DLGAP3: variants seen among roughly 807,000 people sequenced by gnomAD.
DLGAP3 encodes the protein DLG associated protein 3.
DLGAP3 carries 17 observed loss-of-function variants against 81.2 expected under a neutral mutation model. The ratio of observed to expected loss-of-function variants is 0.21; its 90% CI spans 0.14 to 0.31. DLGAP3 has a LOEUF of 0.31. Ranked by LOEUF, DLGAP3 falls within the 10% of genes least tolerant of loss-of-function variation. The probability of loss-of-function intolerance (pLI) is 1.00; values close to 1 mark genes in which losing one functional copy is unlikely to be tolerated. For synonymous variants in DLGAP3, 577 were observed against 587.4 expected, an observed-to-expected ratio of 0.98 and a Z score of 0.26; for missense variants, 1,124 against 1,388.0, an observed-to-expected ratio of 0.81 and a Z score of 3.02.
In DLGAP3 at chr1:34,866,744, G is replaced by A. The variant is rs574973590; in HGVS notation, c.2721+304C>T. ...CGAACTGAGGACAGTCTGTCCTTCC[G>A]TAAGGTCTACTTTTGCTCTCTCCAG... is the stretch of plus-strand genomic sequence containing the variant. On this transcript the variant is annotated intron_variant, in intron 11 of 11. Coordinates refer to ENST00000373347, the MANE Select transcript of DLGAP3 (RefSeq NM_001080418.3). Among the ~76,000 whole-genome samples, 21 of 152,084 alleles carry A rather than the reference G, an allele frequency of 1.4e-4. No individual in the cohort carries two copies. In the South Asian group the frequency reaches 3.7e-3, roughly 27 times the overall value.
At chr1:34,891,814 A>G (rs1264956690) in intron 5 of DLGAP3, among the ~76,000 whole-genome samples, 1 of 152,192 alleles carries the variant, frequency 6.6e-6, no homozygotes, top group Non-Finnish European at 1.5e-5. Flanking sequence ...AAATAAAAAT[A>G]AGAAGGAAAT....
chr1:34,881,716 A>G (rs1639147489), intron 8 of DLGAP3, among the ~76,000 whole-genome samples: 2 of 152,140 alleles, frequency 1.3e-5, no homozygotes, highest in Non-Finnish European at 1.5e-5. Flanking sequence ...TTATCCCAGG[A>G]ATGAAAGAAT....
rs72894113 is a variant in DLGAP3, at chr1:34,883,914, G to T, written c.2000+1064C>A. ...AGGAACCACTGCTAGTGGGACACTG[G>T]TTTTTTGTGTTTTGGGTTTTTTTTG... is the stretch of plus-strand genomic sequence containing the variant. On this transcript the variant is annotated intron_variant, in intron 8 of 11. Transcript: ENST00000373347. Among the ~76,000 whole-genome samples the T allele has an allele frequency of 4.9e-3, 751 of 152,006 alleles. 23 individuals carry two copies. The highest frequency in any genetic ancestry group is 0.018 in the African/African-American group (736 of 41,328).
chr1:34,894,196 T>TTAAA (rs951258235), intron 5 of DLGAP3, among the ~76,000 whole-genome samples: 6 of 144,436 alleles, frequency 4.2e-5, no homozygotes, highest in African/African-American at 1.5e-4. Flanking sequence ...CAAAAACAAA[T>TTAAA]TAAATAAATA....
chr1:34,886,897 G>A (rs1256414133), intron 5 of DLGAP3, among the ~76,000 whole-genome samples: 1 of 148,240 alleles, frequency 6.7e-6, no homozygotes, highest in Non-Finnish European at 1.5e-5. Context: ...GTAAGTGATG[G>A]AGCAAAGTTA....
Position 34,865,843 on chromosome 1 carries a change from A to C in DLGAP3, c.*240T>G. ...GGACAAAGCGTCGGACCAGGTGGGC[A>C]GGGGATCCAGGTGAGGGGCGCAGGG... On this transcript the variant is annotated 3_prime_UTR_variant, in exon 12 of 12. Coordinates refer to ENST00000373347, the MANE Select transcript of DLGAP3 (RefSeq NM_001080418.3). The C allele has an allele frequency of 4.9e-6, 3 of 607,342 alleles. No individual in the cohort carries two copies. Among genetic ancestry groups the C allele is most frequent in the Non-Finnish European group, 5.9e-6 (2 of 341,382 alleles). 37.6% of individuals were successfully genotyped at this position (607,342 alleles called of 1,614,324 possible).
Position 34,885,381 on chromosome 1 carries a change from AAGAATGTCGATATATCC to A in DLGAP3, c.1914+80_1914+96del, listed in dbSNP as rs1328869805. The A allele has an allele frequency of 5.9e-6, 8 of 1,359,476 alleles. No individual in the cohort carries two copies. In the Admixed American group the frequency reaches 1.2e-4, roughly 20 times the overall value. The allele number at this position is 1,359,476 out of a possible 1,614,324, so 84.2% of individuals were successfully genotyped here. A position where few individuals can be genotyped will look rare whatever the true frequency, so the allele number is the denominator to read the frequency against. On this transcript the variant is annotated intron_variant, in intron 7 of 11. Coordinates refer to ENST00000373347, the MANE Select transcript of DLGAP3 (RefSeq NM_001080418.3). ...CACTTGCAGCTCAGGGCAAGCCAGA[AAGAATGTCGATATATCC>A]AGAAGGCCGCTTCCAGCCCCTCACC...
intron 8 of DLGAP3, among the ~76,000 whole-genome samples, chr1:34,869,871 A>C (rs1239573427): frequency 6.6e-6 from 1 of 152,248 alleles, no homozygotes; most frequent in African/African-American, 2.4e-5. Flanking sequence ...GAGTAAACTA[A>C]GTAAACCCAG....
Position 34,904,679 on chromosome 1 carries a change from CTGGTGGTGGTGGTGATGGTGG to C in DLGAP3, c.684_704del (p.His228_His234del), listed in dbSNP as rs1220388345. On this transcript the variant is annotated inframe_deletion, in exon 3 of 12. Transcript: ENST00000373347. The surrounding 1 kb of genome is among the most constrained non-coding windows in gnomAD (Gnocchi z 8.1). Reference sequence around the variant, plus strand: ...TCTTGCTCCTCTTGCCGTGCCGGGACTGGTGGTGGTGGTGATGGTGGTGGTGATGGTGGTGATGGGAGGTGT... The same window carrying C: ...TCTTGCTCCTCTTGCCGTGCCGGGACTGGTGATGGTGGTGATGGGAGGTGT... 2.5e-6 allele frequency: 4 copies of C among 1,613,942 alleles called. No homozygotes were observed. In the African/African-American group the frequency reaches 5.3e-5, roughly 22 times the overall value.
chr1:34,916,714 A>G (rs1452923977), intron 1 of DLGAP3, among the ~76,000 whole-genome samples: 2 of 148,256 alleles, frequency 1.3e-5, no homozygotes, highest in Non-Finnish European at 1.5e-5. Context: ...TTATTTATTT[A>G]GAGACAGAGA....
chr1:34,910,583 C>A (rs1002466641), intron 1 of DLGAP3, among the ~76,000 whole-genome samples: 2 of 152,174 alleles, frequency 1.3e-5, no homozygotes, highest in African/African-American at 4.8e-5. Flanking sequence ...TTTGTCAGTC[C>A]CATGATCCCT....
chr1:34,915,409 G>GA (rs1355694825), intron 1 of DLGAP3, among the ~76,000 whole-genome samples: 1 of 152,174 alleles, frequency 6.6e-6, no homozygotes, highest in East Asian at 1.9e-4. Context: ...TAGCAGGTAG[G>GA]AGCCCAAGCC....
chr1:34,882,169 C>T (rs1345624113), intron 8 of DLGAP3, among the ~76,000 whole-genome samples: 2 of 152,122 alleles, frequency 1.3e-5, no homozygotes, highest in Non-Finnish European at 2.9e-5. Context: ...AATCAACATA[C>T]AAAACATACA....
intron 5 of DLGAP3, among the ~76,000 whole-genome samples, chr1:34,887,823 G>C (rs974464878): frequency 6.6e-6 from 1 of 152,236 alleles, no homozygotes; most frequent in African/African-American, 2.4e-5. Context: ...AAATGGGAGT[G>C]ATAATGGTAC....
Position 34,905,302 on chromosome 1 carries a change from C to T in DLGAP3, c.82G>A (p.Ala28Thr), listed in dbSNP as rs1272675418. The change falls in exon 3 of 12, where the codon GCT (alanine) becomes ACT (threonine). Residue 28 changes from alanine to threonine, a missense_variant. Ala to Thr is a moderately conservative substitution (Grantham distance 58). Around this residue, in one of 9 missense-constraint regions of DLGAP3, gnomAD observed 167 missense variants for 172.1 expected, o/e 0.97. Coordinates refer to ENST00000373347, the MANE Select transcript of DLGAP3 (RefSeq NM_001080418.3). Reference sequence around the variant, plus strand: ...CCCAGCAGGTATGGGGCCCTGGCAGCAGGGCCCACGTCCATATGCTGTTGG... The same window carrying T: ...CCCAGCAGGTATGGGGCCCTGGCAGTAGGGCCCACGTCCATATGCTGTTGG... ...ADQQHMDVGP[A>T]ARAPYLLGSR... The T allele has an allele frequency of 6.4e-7, 1 of 1,564,454 alleles. No individual in the cohort carries two copies. Among genetic ancestry groups the T allele is most frequent in the Non-Finnish European group, 8.7e-7 (1 of 1,154,702 alleles).
intron 5 of DLGAP3, among the ~76,000 whole-genome samples, chr1:34,890,060 C>A (rs1341032372): frequency 6.6e-6 from 1 of 152,110 alleles, no homozygotes; most frequent in Non-Finnish European, 1.5e-5. Flanking sequence ...AATTAGTCAT[C>A]ACCACAGGCT....
chr1:34,906,083 CATAT>C (rs1025258367), intron 2 of DLGAP3, among the ~76,000 whole-genome samples: 3 of 109,866 alleles, frequency 2.7e-5, no homozygotes, highest in African/African-American at 6.3e-5. Context: ...TTTATAAATG[CATAT>C]ATATTTTTAT....
intron 8 of DLGAP3, among the ~76,000 whole-genome samples, chr1:34,872,566 A>G (rs1453052486): frequency 6.6e-6 from 1 of 152,214 alleles, no homozygotes; most frequent in African/African-American, 2.4e-5. Flanking sequence ...GGAATATGTT[A>G]CCTTCCACGG....
intron 3 of DLGAP3, among the ~76,000 whole-genome samples, chr1:34,903,320 T>C (rs1345273128): frequency 6.6e-6 from 1 of 152,148 alleles, no homozygotes; most frequent in African/African-American, 2.4e-5. Context: ...TCCTTGTCTA[T>C]TCCCACTCTA....
Sources: gnomAD v4.1 joint callset for allele counts (sites outside exome capture counted in the v4.1 genomes callset) on GRCh38, gnomAD v4.1.1 for gene constraint, gnomAD v4.1.1 regional missense constraint, Gnocchi (gnomAD v3.1) non-coding constraint, MANE v1.5 for transcripts, NCBI Gene and HGNC (gene_info 2026-07-23, HGNC 2026-07-21) for gene names.